The following SMC1B variants were observed in gnomAD, a reference collection of about 807,000 sequenced individuals.
SMC1B encodes the protein structural maintenance of chromosomes 1B.
In SMC1B, 60 loss-of-function variants were observed where a neutral mutation model predicts 157.9. The observed-to-expected ratio is 0.38, with a 90% CI of 0.31 to 0.47. SMC1B has a LOEUF of 0.47. SMC1B is among the 20% of genes least tolerant of loss of function. The probability of loss-of-function intolerance (pLI) is 0.99; values close to 1 mark genes in which losing one functional copy is unlikely to be tolerated. For synonymous variants in SMC1B, 445 were observed against 483.0 expected, an observed-to-expected ratio of 0.92 and a Z score of 1.03; for missense variants, 1,165 against 1,426.2, an observed-to-expected ratio of 0.82 and a Z score of 2.95.
intron 10 of SMC1B, among the ~76,000 whole-genome samples, chr22:45,389,301 T>A (rs1435018163): frequency 2.0e-5 from 3 of 152,226 alleles, no homozygotes; most frequent in African/African-American, 7.2e-5. Context: ...GGCTCAAAAT[T>A]TAGCCTTTTC....
rs74658434 is a variant in SMC1B, at chr22:45,349,899, T to C, written c.3426-102A>G. On this transcript the variant is annotated intron_variant, in intron 22 of 24. Coordinates refer to ENST00000357450, the MANE Select transcript of SMC1B (RefSeq NM_148674.5). ...TATTCAGAATAAATAAAACACATTC[T>C]TTTGGATATTTCTAAGTAATCGGTG... is the stretch of plus-strand genomic sequence containing the variant. The C allele has an allele frequency of 2.8e-3, 2,544 of 914,170 alleles. 39 individuals carry two copies. In the African/African-American group the frequency reaches 0.036, roughly 13 times the overall value. 56.6% of individuals were successfully genotyped at this position (914,170 alleles called of 1,614,324 possible). A position where few individuals can be genotyped will look rare whatever the true frequency, so the allele number is the denominator to read the frequency against.
intron 23 of SMC1B, among the ~76,000 whole-genome samples, chr22:45,348,512 C>T (rs1425391081): frequency 6.6e-6 from 1 of 152,112 alleles, no homozygotes; most frequent in African/African-American, 2.4e-5. Flanking sequence ...CTCTTGGGGC[C>T]TGTTATTAGG....
chr22:45,379,140 C>T (rs1319561706), intron 12 of SMC1B, among the ~76,000 whole-genome samples: 1 of 152,158 alleles, frequency 6.6e-6, no homozygotes, highest in East Asian at 1.9e-4. Context: ...TGCCACCAAG[C>T]CCAGCTAATT....
intron 21 of SMC1B, 36 bp from the exon 22 acceptor site, chr22:45,352,638 A>C: frequency 6.4e-7 from 1 of 1,560,420 alleles, no homozygotes; most frequent in South Asian, 1.2e-5. Context: ...AATATCAGAA[A>C]AGCAACTGAT....
At chr22:45,403,224 A>T (rs2087216823) in intron 4 of SMC1B, among the ~76,000 whole-genome samples, 1 of 152,184 alleles carries the variant, frequency 6.6e-6, no homozygotes, top group Non-Finnish European at 1.5e-5. Flanking sequence ...AGTTCAGTAT[A>T]TTGTGATTAT....
At chr22:45,379,390 CCGT>C (rs2086913425) in intron 12 of SMC1B, among the ~76,000 whole-genome samples, 1 of 152,236 alleles carries the variant, frequency 6.6e-6, no homozygotes, top group African/African-American at 2.4e-5. Context: ...CTCATGTTTA[CCGT>C]AATCACTGAC....
chr22:45,413,008 G>T (rs775715004), intron 1 of SMC1B, among the ~76,000 whole-genome samples: 1 of 152,124 alleles, frequency 6.6e-6, no homozygotes, highest in Non-Finnish European at 1.5e-5. Flanking sequence ...GCAGAGAACA[G>T]GGCCCAGGGC....
intron 14 of SMC1B, 147 bp from the exon 15 acceptor site, chr22:45,370,207 T>C: frequency 2.3e-6 from 1 of 433,460 alleles, no homozygotes; most frequent in Non-Finnish European, 4.1e-6. Context: ...GCCAGTACTT[T>C]TTTTTCCTTT....
intron 6 of SMC1B, among the ~76,000 whole-genome samples, chr22:45,397,109 A>G (rs1469561028): frequency 6.9e-6 from 1 of 145,860 alleles, no homozygotes; most frequent in Non-Finnish European, 1.5e-5. Context: ...ATATACCAAA[A>G]TAATTATAAC....
chr22:45,407,690 C>T (rs1238506256), intron 2 of SMC1B, among the ~76,000 whole-genome samples: 2 of 152,148 alleles, frequency 1.3e-5, no homozygotes, highest in African/African-American at 4.8e-5. Context: ...TTCAAGCAAT[C>T]GTCCTGCTGT....
chr22:45,355,125 G>A lies in SMC1B; in HGVS notation c.2962-10C>T. The A allele has an allele frequency of 2.5e-6, 4 of 1,613,984 alleles. No individual in the cohort carries two copies. The highest frequency in any genetic ancestry group is 3.4e-6 in the Non-Finnish European group (4 of 1,179,912). On this transcript the variant is annotated splice_polypyrimidine_tract_variant and intron_variant, in intron 19 of 24. Transcript: ENST00000357450. ...GATCAGACTGTAGAGCCTATTATGG[G>A]CAAAGAACAACACTGACTGGCATGG...
rs532339035 is a variant in SMC1B, at chr22:45,364,234, A to G, written c.2421-1208T>C. Among the ~76,000 whole-genome samples the G allele has an allele frequency of 5.9e-5, 9 of 152,102 alleles. No individual in the cohort carries two copies. The East Asian group carries it at 1.7e-3, about 29-fold the overall frequency. On this transcript the variant is annotated intron_variant, in intron 15 of 24. Transcript: ENST00000357450. ...TCATAAACTCCTCATAAAGAATTCC[A>G]TTGTCAACTGTAGCTCATCCTTTCC...
chr22:45,375,323 C>T (rs927582115), intron 12 of SMC1B, among the ~76,000 whole-genome samples: 3 of 152,136 alleles, frequency 2.0e-5, no homozygotes, highest in Middle Eastern at 3.2e-3. Context: ...ATATGTTGAT[C>T]GATGTCTCAT....
intron 1 of SMC1B, 49 bp from the exon 2 acceptor site, chr22:45,408,947 C>G: frequency 8.2e-7 from 1 of 1,212,666 alleles, no homozygotes; most frequent in South Asian, 1.7e-5. Context: ...TGATAAAAAG[C>G]CCTACCCAGA....
chr22:45,365,754 C>A (rs2032821956), intron 15 of SMC1B, among the ~76,000 whole-genome samples: 1 of 151,948 alleles, frequency 6.6e-6, no homozygotes, highest in Non-Finnish European at 1.5e-5. Context: ...CTAGTAGAAA[C>A]CAACTAGCAA....
chr22:45,344,689 C>T (rs1199979833), intron 24 of SMC1B, 32 bp from the exon 25 acceptor site: 1 of 1,471,014 alleles, frequency 6.8e-7, no homozygotes, highest in Admixed American at 1.7e-5. Context: ...TAAAAGTTCC[C>T]CTAATTAGGG....
chr22:45,352,332 G>T, intron 22 of SMC1B, 119 bp downstream of exon 22: 1 of 878,112 alleles, frequency 1.1e-6, no homozygotes, highest in Non-Finnish European at 1.6e-6. Flanking sequence ...GGCTGAAGAA[G>T]ATAGTTTTGT....
At chr22:45,412,086 G>A (rs1456095433) in intron 1 of SMC1B, among the ~76,000 whole-genome samples, 1 of 152,072 alleles carries the variant, frequency 6.6e-6, no homozygotes, top group African/African-American at 2.4e-5. Flanking sequence ...CACTATGTTG[G>A]CCAGGCTGGT....
chr22:45,398,989 G>A, intron 6 of SMC1B, 106 bp downstream of exon 6: 2 of 1,098,518 alleles, frequency 1.8e-6, no homozygotes, highest in Admixed American at 2.3e-5. Flanking sequence ...TTACATTGAG[G>A]ATAATCTCTT....
Sources: allele counts gnomAD v4.1 joint callset (sites outside exome capture counted in the v4.1 genomes callset), GRCh38; gene constraint gnomAD v4.1.1; transcripts MANE v1.5; gene names NCBI Gene and HGNC (gene_info 2026-07-23, HGNC 2026-07-21).